The following JMJD1C variants were observed in gnomAD, a reference collection of about 807,000 sequenced individuals.
JMJD1C encodes jumonji domain containing 1C, also known as jumonji domain-containing protein 1C.
Under a neutral mutation model 245.3 loss-of-function variants are expected in JMJD1C, and 31 were observed. The ratio of observed to expected loss-of-function variants is 0.13; its 90% CI spans 0.09 to 0.17. JMJD1C has a LOEUF of 0.17. Among genes scored for constraint, JMJD1C ranks in the 10% least tolerant of loss-of-function variants. The pLI is 1.00. For synonymous variants in JMJD1C, 1,057 were observed against 1,017.4 expected (o/e 1.04, Z -0.74); for missense variants, 2,691 against 3,000.2 (o/e 0.90, Z 2.41).
intron 2 of JMJD1C, among the ~76,000 whole-genome samples, chr10:63,295,691 G>A (rs538906675): frequency 1.3e-5 from 2 of 152,064 alleles, no homozygotes; most frequent in African/African-American, 2.4e-5. Context: ...AATCTGGTAG[G>A]TACAATTGAT....
intron 2 of JMJD1C, among the ~76,000 whole-genome samples, chr10:63,295,040 TAGA>T (rs1258507550): frequency 6.6e-6 from 1 of 151,986 alleles, no homozygotes; most frequent in African/African-American, 2.4e-5. Flanking sequence ...AAACAGCAAT[TAGA>T]AGATAAAGAT....
intron 2 of JMJD1C, among the ~76,000 whole-genome samples, chr10:63,322,917 T>A (rs1941076265): frequency 6.6e-6 from 1 of 151,532 alleles, no homozygotes. Context: ...TATATATTGA[T>A]GTATATTAAC....
At chr10:63,316,849 T>C (rs984471470) in intron 2 of JMJD1C, among the ~76,000 whole-genome samples, 15 of 152,252 alleles carry the variant, frequency 9.9e-5, no homozygotes, top group African/African-American at 3.4e-4. Flanking sequence ...CTTGAGTATT[T>C]ATCTTTTTGT....
At chr10:63,294,566 G>C (rs1371329533) in intron 2 of JMJD1C, among the ~76,000 whole-genome samples, 1 of 152,136 alleles carries the variant, frequency 6.6e-6, no homozygotes, top group Non-Finnish European at 1.5e-5. Flanking sequence ...TTACAGGCCT[G>C]AGCCACTGCA....
At chr10:63,204,902 G>A in intron 10 of JMJD1C, 1 of 985,418 alleles carries the variant, frequency 1.0e-6, no homozygotes, top group Non-Finnish European at 1.2e-6. Flanking sequence ...GCACAAATGG[G>A]AGCCTTCAAG....
intron 2 of JMJD1C, among the ~76,000 whole-genome samples, chr10:63,329,647 C>G (rs1257490519): frequency 6.6e-6 from 1 of 152,070 alleles, no homozygotes; most frequent in Non-Finnish European, 1.5e-5. Flanking sequence ...TAGAATGGTT[C>G]AACTCAGAAT....
chr10:63,172,379 A>G (rs1439840102), intron 24 of JMJD1C, among the ~76,000 whole-genome samples: 1 of 152,204 alleles, frequency 6.6e-6, no homozygotes, highest in Non-Finnish European at 1.5e-5. Flanking sequence ...AAAGCCCAAT[A>G]CATATAAATT....
At chr10:63,455,102 A>G (rs945967788) in intron 1 of JMJD1C, among the ~76,000 whole-genome samples, 1 of 152,242 alleles carries the variant, frequency 6.6e-6, no homozygotes, top group Non-Finnish European at 1.5e-5. Flanking sequence ...GGAAGAAAAC[A>G]TAAGAAATTA....
intron 1 of JMJD1C, among the ~76,000 whole-genome samples, chr10:63,471,858 TA>T (rs1030297616): frequency 4.3e-4 from 65 of 152,052 alleles, no homozygotes; most frequent in Admixed American, 4.2e-3. Flanking sequence ...ACCAATACAG[TA>T]AAATGCCTTC....
Position 63,186,377 on chromosome 10 carries a change from C to T in JMJD1C, c.6577G>A (p.Val2193Met), listed in dbSNP as rs1844122141. The change falls in exon 19 of 26, where the codon GTG becomes ATG. Residue 2193 changes from valine to methionine, a missense_variant. By Grantham distance (21) the Val-to-Met change is conservative. Transcript: ENST00000399262. ...ATTTTCTTATGCACACCAGAAACCA[C>T]TGCAGGCTTATAAATAGATAAATAA... ...KECWKQGQPAVVSGVHKKMNI... is the reference protein window; with the variant it reads ...KECWKQGQPAMVSGVHKKMNI... 1 of 1,601,822 alleles carries T rather than the reference C, an allele frequency of 6.2e-7. No homozygotes were observed. Among genetic ancestry groups the T allele is most frequent in the Non-Finnish European group, 8.5e-7 (1 of 1,174,958 alleles).
intron 1 of JMJD1C, among the ~76,000 whole-genome samples, chr10:63,508,340 G>C (rs1196828285): frequency 6.6e-6 from 1 of 152,138 alleles, no homozygotes; most frequent in Non-Finnish European, 1.5e-5. Context: ...CTGATCTATT[G>C]GTCTATTCTT....
At chr10:63,508,244 T>G (rs1954780354) in intron 1 of JMJD1C, among the ~76,000 whole-genome samples, 1 of 152,236 alleles carries the variant, frequency 6.6e-6, no homozygotes, top group African/African-American at 2.4e-5. Flanking sequence ...ATTATATCTT[T>G]TTTCCATTGT....
chr10:63,495,556 G>C (rs1954332773), intron 1 of JMJD1C, among the ~76,000 whole-genome samples: 1 of 152,098 alleles, frequency 6.6e-6, no homozygotes, highest in South Asian at 2.1e-4. Flanking sequence ...CAGATCACCT[G>C]AGGTCAGGAG....
intron 10 of JMJD1C, among the ~76,000 whole-genome samples, chr10:63,201,516 A>C (rs779771135): frequency 1.3e-5 from 2 of 152,268 alleles, no homozygotes; most frequent in Non-Finnish European, 2.9e-5. Context: ...CTTATGTTTA[A>C]TAAGTACAAG....
At chr10:63,366,908 C>A (rs1404540539) in intron 2 of JMJD1C, among the ~76,000 whole-genome samples, 1 of 152,180 alleles carries the variant, frequency 6.6e-6, no homozygotes, top group East Asian at 1.9e-4. Flanking sequence ...AACGCAAATC[C>A]TAATGCTGGG....
chr10:63,321,826 G>C (rs748120580), intron 2 of JMJD1C, among the ~76,000 whole-genome samples: 6 of 152,120 alleles, frequency 3.9e-5, no homozygotes, highest in Non-Finnish European at 8.8e-5. Context: ...TCTTCTGATA[G>C]CCAAGAGGAT....
intron 1 of JMJD1C, among the ~76,000 whole-genome samples, chr10:63,455,785 T>C (rs1952370098): frequency 6.6e-6 from 1 of 152,116 alleles, no homozygotes. Flanking sequence ...GTTTCTTGTC[T>C]CCTATACCCT....
intron 2 of JMJD1C, among the ~76,000 whole-genome samples, chr10:63,292,134 G>A (rs1858826156): frequency 4.7e-5 from 1 of 21,378 alleles, no homozygotes; most frequent in Non-Finnish European, 1.1e-4. Context: ...TTTAGTTTCT[G>A]TAGAGACAGA....
At chr10:63,518,951 C>G (rs1357055574) in intron 1 of JMJD1C, among the ~76,000 whole-genome samples, 1 of 152,210 alleles carries the variant, frequency 6.6e-6, no homozygotes, top group Non-Finnish European at 1.5e-5. Flanking sequence ...TTACCAATGA[C>G]CTATGTGATC....
Sources: gnomAD v4.1 joint callset for allele counts (sites outside exome capture counted in the v4.1 genomes callset) on GRCh38, gnomAD v4.1.1 for gene constraint, MANE v1.5 for transcripts, NCBI Gene and HGNC (gene_info 2026-07-23, HGNC 2026-07-21) for gene names.